TMEM87A: variants seen among roughly 807,000 people sequenced by gnomAD.
TMEM87A encodes Golgi-pH regulating cation channel.
Under a neutral mutation model 90.0 loss-of-function variants are expected in TMEM87A, and 50 were observed. The ratio of observed to expected loss-of-function variants is 0.56; its 90% confidence interval spans 0.44 to 0.70. TMEM87A has a LOEUF of 0.70. TMEM87A is among the 30% of genes least tolerant of loss of function. TMEM87A has a pLI of 0.00. For synonymous variants in TMEM87A, 226 were observed against 226.7 expected (o/e 1.00, Z 0.03); for missense variants, 577 against 660.5 (o/e 0.87, Z 1.39).
chr15:42,263,756 A>C (rs565490822), intron 4 of TMEM87A, among the ~76,000 whole-genome samples: 6 of 152,238 alleles, frequency 3.9e-5, no homozygotes, highest in Non-Finnish European at 8.8e-5. Flanking sequence ...TTGGGGAAAA[A>C]AAAAGTACTG....
upstream of TMEM87A, chr15:42,273,514 T>C (rs939559927): frequency 6.7e-6 from 10 of 1,497,828 alleles, no homozygotes; most frequent in African/African-American, 1.2e-4. Flanking sequence ...GTCGCGGAGC[T>C]TGTTTGCTGT....
At chr15:42,237,985 T>C (rs2140943089) in intron 8 of TMEM87A, among the ~76,000 whole-genome samples, 1 of 139,898 alleles carries the variant, frequency 7.1e-6, no homozygotes, top group Non-Finnish European at 1.5e-5. Context: ...GAGCGAATGC[T>C]CTCATATGTA....
At position 42,226,872 on chromosome 15, in the gene TMEM87A, C is replaced by T. The variant is rs373502445; in HGVS notation, c.1337G>A (p.Arg446His). ...AAAGAGGATCATGGAGAACAGCAAG[C>T]GCCAGATGGCATCGTCTACCCACAG... ...RELWVDDAIW[R>H]LLFSMILFVI... The change falls in exon 15 of 20, where the codon CGC (arginine) becomes CAC (histidine). Residue 446 changes from arginine to histidine, a missense_variant. Physicochemically the swap from Arg to His is conservative, Grantham distance 29 (BLOSUM62 0). Transcript: ENST00000389834. 9.3e-6 allele frequency: 15 copies of T among 1,614,080 alleles called. No individual in the cohort carries two copies. Among genetic ancestry groups the T allele is most frequent in the African/African-American group, 8.0e-5 (6 of 75,026 alleles).
chr15:42,228,922 T>A, intron 12 of TMEM87A, 102 bp from the exon 13 acceptor site: 2 of 761,504 alleles, frequency 2.6e-6, no homozygotes, highest in Non-Finnish European at 4.3e-6. Context: ...AATAAACTTA[T>A]AGATCTCTCA....
At position 42,238,365 on chromosome 15, in the gene TMEM87A, C is replaced by G. The variant is rs1004794797; in HGVS notation, c.685-750G>C. Reference sequence around the variant, plus strand: ...GGCAGATTACTTGAGGTCAGGAGTTCAAGACCAGCCTGGCCAAAACATGGT... The same window carrying G: ...GGCAGATTACTTGAGGTCAGGAGTTGAAGACCAGCCTGGCCAAAACATGGT... On this transcript the variant is annotated intron_variant, in intron 8 of 19. Transcript: ENST00000389834. Among the ~76,000 whole-genome samples the G allele has an allele frequency of 2.6e-5, 4 of 151,880 alleles. No homozygotes were observed. In the East Asian group the frequency reaches 5.8e-4, roughly 22 times the overall value.
At chr15:42,211,782 G>A in intron 19 of TMEM87A, 33 bp from the exon 20 acceptor site, 1 of 1,594,448 alleles carries the variant, frequency 6.3e-7, no homozygotes, top group Non-Finnish European at 8.6e-7. Context: ...AAGTATATTA[G>A]GTTAAAATGA....
chr15:42,252,548 A>G (rs996545263), intron 6 of TMEM87A, among the ~76,000 whole-genome samples: 1 of 152,134 alleles, frequency 6.6e-6, no homozygotes, highest in African/African-American at 2.4e-5. Context: ...TCCTTCAAAT[A>G]TTCTTCCCAT....
intron 1 of TMEM87A, among the ~76,000 whole-genome samples, chr15:42,272,481 A>G (rs1397796323): frequency 6.6e-6 from 1 of 152,254 alleles, no homozygotes; most frequent in Non-Finnish European, 1.5e-5. Context: ...CATTACAGTC[A>G]GTGAGCAGAG....
intron 2 of TMEM87A, among the ~76,000 whole-genome samples, chr15:42,270,687 C>T (rs1179726891): frequency 1.3e-5 from 2 of 152,134 alleles, no homozygotes; most frequent in Admixed American, 6.5e-5. Context: ...AATAAAACAG[C>T]AAACAGGCTG....
At chr15:42,229,243 A>G (rs530498011) in intron 12 of TMEM87A, among the ~76,000 whole-genome samples, 1 of 152,166 alleles carries the variant, frequency 6.6e-6, no homozygotes, top group South Asian at 2.1e-4. Context: ...ACCTCAACTG[A>G]TCCTCCTGCC....
chr15:42,264,213 G>A lies in TMEM87A; in HGVS notation c.292-10C>T. 1 of 1,592,676 alleles carries A rather than the reference G, an allele frequency of 6.3e-7. No homozygotes were observed. Among genetic ancestry groups the A allele is most frequent in the Non-Finnish European group, 8.6e-7 (1 of 1,162,108 alleles). On this transcript the variant is annotated splice_polypyrimidine_tract_variant and intron_variant, in intron 3 of 19. Coordinates refer to ENST00000389834, the MANE Select transcript of TMEM87A (RefSeq NM_015497.5). ...ACTCTACTTCTTCTGCCTGGAAAAA[G>A]AGATAATACAGAGTAGTTAACTCAC... is the stretch of plus-strand genomic sequence containing the variant.
At chr15:42,231,119 C>G in intron 12 of TMEM87A, 73 bp downstream of exon 12, 1 of 1,378,406 alleles carries the variant, frequency 7.3e-7, no homozygotes, top group Non-Finnish European at 9.9e-7. Context: ...AAACTCTTTG[C>G]AGAAAGATCA....
chr15:42,243,314 A>AAATT (rs2050908682), intron 7 of TMEM87A, among the ~76,000 whole-genome samples: 1 of 9,830 alleles, frequency 1.0e-4, no homozygotes, highest in Admixed American at 6.0e-4. Context: ...ATAAATAAAT[A>AAATT]AAAAAAAAGA....
At chr15:42,273,546 CAG>C (rs1206712867), upstream of TMEM87A, 4 of 1,369,630 alleles carry the variant, frequency 2.9e-6, no homozygotes, top group Non-Finnish European at 2.9e-6. Flanking sequence ...GCCCCTCTCT[CAG>C]ACAGTCGTCT....
At chr15:42,229,479 G>GT (rs1159786000) in intron 12 of TMEM87A, among the ~76,000 whole-genome samples, 5 of 151,968 alleles carry the variant, frequency 3.3e-5, no homozygotes. Flanking sequence ...GTGAACATGA[G>GT]TAACAGGCAA....
At chr15:42,258,235 A>T (rs1419599427) in intron 6 of TMEM87A, 5 of 866,990 alleles carry the variant, frequency 5.8e-6, no homozygotes, top group Non-Finnish European at 6.9e-6. Context: ...GCTACAAAAA[A>T]AAGTCATATA....
rs1488321975 is a variant in TMEM87A at position 42,244,092 on chromosome 15, T to C, written c.580A>G (p.Lys194Glu). 6.3e-7 allele frequency: 1 copy of C among 1,579,868 alleles called. No individual in the cohort carries two copies. The highest frequency in any genetic ancestry group is 1.2e-5 in the South Asian group (1 of 83,500). ...FIVHIGISSS[K>E]ESSKENSLSN... ...AGTGAATTTTCTTTTGATGATTCCT[T>C]TGAGGATGAAATGCCAATATGTACA... The change falls in exon 7 of 20, where the codon AAG becomes GAG. Residue 194 changes from lysine to glutamate, a missense_variant. Coordinates refer to ENST00000389834, the MANE Select transcript of TMEM87A (RefSeq NM_015497.5).
rs1263053146 is a variant in TMEM87A, at chr15:42,233,302, G to A, written c.973C>T (p.Arg325Cys). 15 of 1,613,124 alleles carry A rather than the reference G, an allele frequency of 9.3e-6. No homozygotes were observed. Among genetic ancestry groups the A allele is most frequent in the African/African-American group, 1.3e-5 (1 of 74,890 alleles). ...ACCTTATGAAGAGTGACTCCAAGGC[G>A]TGGCCTAAAGAGGAAGCAAGGAGAT... ...VSLGYGIVKP[R>C]LGVTLHKVVV... is the part of the protein sequence containing the mutation. The change falls in exon 11 of 20, where the codon CGC becomes TGC. Residue 325 changes from arginine to cysteine, a missense_variant. By Grantham distance (180) the Arg-to-Cys change is radical. Transcript: ENST00000389834.
chr15:42,243,301 TAAATAAATAAATAAAA>T (rs1202597003), intron 7 of TMEM87A, among the ~76,000 whole-genome samples: 7,049 of 114,146 alleles, frequency 0.062, 612 homozygotes, highest in African/African-American at 0.18. Flanking sequence ...AATAAATAAA[TAAATAAATAAATAAAA>T]AAAAAGAAAG....
Sources: gnomAD v4.1 joint callset for allele counts (sites outside exome capture counted in the v4.1 genomes callset) on GRCh38, gnomAD v4.1.1 for gene constraint, MANE v1.5 for transcripts, NCBI Gene and HGNC (gene_info 2026-07-23, HGNC 2026-07-21) for gene names.